The following TMEM59 variants were observed in gnomAD, a reference collection of about 807,000 sequenced individuals.
TMEM59 encodes the protein transmembrane protein 59, also known as dendritic cell factor 1.
TMEM59 carries 44 observed loss-of-function variants against 42.2 expected under a neutral mutation model. That is an observed-to-expected ratio of 1.04 (90% confidence interval 0.82 to 1.34). The LOEUF (loss-of-function observed/expected upper bound fraction) is 1.34. TMEM59 is among the 40% of genes most tolerant of loss of function. The pLI is 0.00. For synonymous variants in TMEM59, 148 were observed against 145.8 expected (o/e 1.02, Z -0.11); for missense variants, 359 against 382.8 (o/e 0.94, Z 0.52).
rs774562604 is a variant in TMEM59 at position 54,053,156 on chromosome 1, C to A, written c.33G>T (p.Arg11Ser). The A allele has an allele frequency of 2.5e-6, 4 of 1,614,202 alleles. No homozygotes were observed. The highest frequency in any genetic ancestry group is 3.4e-6 in the Non-Finnish European group (4 of 1,180,022). ...GCAGCGGCGGGAGCCCCAGTTGGGTCCTCACCCAGAGGCTCCCCTTCGGCG... is the reference window on the plus strand; with the variant it reads ...GCAGCGGCGGGAGCCCCAGTTGGGTACTCACCCAGAGGCTCCCCTTCGGCG... The part of the protein sequence containing the change: MAAPKGSLWV[R>S]TQLGLPPLLL... The change falls in exon 1 of 8, where the codon AGG becomes AGT. Residue 11 changes from arginine (R) to serine (S), a missense_variant. By Grantham distance (110) the Arg-to-Ser change is moderately radical. Coordinates refer to ENST00000234831, the MANE Select transcript of TMEM59 (RefSeq NM_004872.5).
intron 1 of TMEM59, among the ~76,000 whole-genome samples, chr1:54,052,099 CA>C (rs530006807): frequency 5.9e-5 from 9 of 152,162 alleles, no homozygotes; most frequent in Non-Finnish European, 7.4e-5. Context: ...GCAACATCAA[CA>C]AAAGCTCTCA....
Position 54,042,164 on chromosome 1 carries a change from C to CAAT in TMEM59, c.544-360_544-359insATT, listed in dbSNP as rs1206811985. ...TTCTAGTTGATCAGGAATAATTTAT[C>CAAT]AGACTGCCAAAACTTTTGGCTAAAT... On this transcript the variant is annotated intron_variant, in intron 4 of 7. Coordinates refer to ENST00000234831, the MANE Select transcript of TMEM59 (RefSeq NM_004872.5). Among the ~76,000 whole-genome samples, 5 of 151,558 alleles carry CAAT rather than the reference C, an allele frequency of 3.3e-5. No homozygotes were observed. In the East Asian group the frequency reaches 7.8e-4, roughly 23 times the overall value.
In TMEM59 at chr1:54,029,594, A is replaced by C. The variant is rs1268136805; in HGVS notation, c.*2556T>G. 1.3e-5 allele frequency: 2 copies of C among 152,186 alleles called. No individual in the cohort carries two copies. The highest frequency in any genetic ancestry group is 2.9e-5 in the Non-Finnish European group (2 of 68,024). The allele number at this position is 152,186 out of a possible 1,614,324, so 9.4% of individuals were successfully genotyped here. On this transcript the variant is annotated 3_prime_UTR_variant, in exon 8 of 8. Coordinates refer to ENST00000234831, the MANE Select transcript of TMEM59 (RefSeq NM_004872.5). ...TTTAGGAGAAGGGGCTTGGAAGCTCAGTTTTGTTGCTTTGGTTGGGATTTT... is the reference window on the plus strand; with the variant it reads ...TTTAGGAGAAGGGGCTTGGAAGCTCCGTTTTGTTGCTTTGGTTGGGATTTT...
chr1:54,033,037 C>T (rs1466899595), intron 7 of TMEM59: 1 of 151,908 alleles, frequency 6.6e-6, no homozygotes, highest in Non-Finnish European at 1.5e-5. Context: ...AAGTGATTCT[C>T]CTGCCTCAGC....
intron 2 of TMEM59, among the ~76,000 whole-genome samples, chr1:54,046,844 T>A (rs1247498266): frequency 2.6e-5 from 4 of 152,256 alleles, no homozygotes; most frequent in Non-Finnish European, 5.9e-5. Context: ...CTTATTTTAA[T>A]GGCCTGACCA....
rs560408023 is a variant in TMEM59 at position 54,042,045 on chromosome 1, C to T, written c.544-240G>A. Among the ~76,000 whole-genome samples the T allele has an allele frequency of 1.4e-4, 20 of 146,790 alleles. 1 individual carries two copies. The South Asian group carries it at 1.7e-3, about 12-fold the overall frequency. On this transcript the variant is annotated intron_variant, in intron 4 of 7. Transcript: ENST00000234831. Reference sequence around the variant, plus strand: ...TTATGTTAGTTTAACTTCCTGACAACGTTTTGTTTTGTTTTTTTTTTTTTT... The same window carrying T: ...TTATGTTAGTTTAACTTCCTGACAATGTTTTGTTTTGTTTTTTTTTTTTTT...
At chr1:54,043,976 A>G (rs1450111434) in intron 3 of TMEM59, 1 of 152,202 alleles carries the variant, frequency 6.6e-6, no homozygotes, top group Non-Finnish European at 1.5e-5. Context: ...ATATACATAA[A>G]ATGGTAGACA....
At chr1:54,052,847 G>A (rs1425454693) in intron 1 of TMEM59, among the ~76,000 whole-genome samples, 153 bp downstream of exon 1, 1 of 152,188 alleles carries the variant, frequency 6.6e-6, no homozygotes, top group Admixed American at 6.5e-5. Flanking sequence ...TGGGGTGCAG[G>A]CAGGATTAGG....
chr1:54,038,501 T>C (rs1657029264), intron 6 of TMEM59, among the ~76,000 whole-genome samples: 1 of 152,194 alleles, frequency 6.6e-6, no homozygotes, highest in African/African-American at 2.4e-5. Flanking sequence ...GCACAGTGCC[T>C]GGCTCCTCAA....
intron 7 of TMEM59, 60 bp from the exon 8 acceptor site, chr1:54,032,365 G>A: frequency 7.3e-7 from 1 of 1,368,288 alleles, no homozygotes; most frequent in Non-Finnish European, 9.6e-7. Flanking sequence ...CTCCAAGTTA[G>A]TCTTTAAATA....
chr1:54,034,874 T>C (rs1204655030), intron 7 of TMEM59: 10 of 152,200 alleles, frequency 6.6e-5, no homozygotes, highest in South Asian at 6.2e-4. Flanking sequence ...CATGTGACCG[T>C]TGGCTCTGGG....
Position 54,040,795 on chromosome 1 carries a change from T to A in TMEM59, c.668A>T (p.Glu223Val). The A allele has an allele frequency of 6.2e-7, 1 of 1,613,824 alleles. No homozygotes were observed. Among genetic ancestry groups the A allele is most frequent in the Non-Finnish European group, 8.5e-7 (1 of 1,179,854 alleles). ...RNSQAHRNFL[E>V]DGESDGFLRC... ...TAAAAAGCCATCACTTTCTCCATCT[T>A]CAAGAAAATTCCTGTGCGCTTGTGA... The change falls in exon 6 of 8, where the codon GAA (glutamate) becomes GTA (valine). Residue 223 changes from glutamate to valine, a missense_variant. Glu to Val is a moderately radical substitution (Grantham distance 121). Coordinates refer to ENST00000234831, the MANE Select transcript of TMEM59 (RefSeq NM_004872.5).
intron 6 of TMEM59, among the ~76,000 whole-genome samples, chr1:54,038,820 G>C (rs1047518024): frequency 6.6e-6 from 1 of 151,986 alleles, no homozygotes. Flanking sequence ...GATCACTGAA[G>C]GGGAAAAAGC....
chr1:54,050,002 A>G (rs554057027), intron 1 of TMEM59, among the ~76,000 whole-genome samples: 1 of 152,348 alleles, frequency 6.6e-6, no homozygotes, highest in Admixed American at 6.5e-5. Context: ...TTCGACCGAG[A>G]TAAATTATGC....
In TMEM59 at chr1:54,030,163, G is replaced by C. The variant is rs191206585; in HGVS notation, c.*1987C>G. The C allele has an allele frequency of 6.6e-6, 1 of 151,926 alleles. No individual in the cohort carries two copies. Among genetic ancestry groups the C allele is most frequent in the Non-Finnish European group, 1.5e-5 (1 of 67,996 alleles). 9.4% of individuals were successfully genotyped at this position (151,926 alleles called of 1,614,324 possible). On this transcript the variant is annotated 3_prime_UTR_variant, in exon 8 of 8. Coordinates refer to ENST00000234831, the MANE Select transcript of TMEM59 (RefSeq NM_004872.5). ...GCTTTAAAAAAAAAAAAAAAGATGG[G>C]ATTCTCATTATATTGCCCAGGATGG...
chr1:54,027,175 G>A lies in TMEM59; in HGVS notation c.*4975C>T, dbSNP rs1377128369. 6.6e-6 allele frequency: 1 copy of A among 152,152 alleles called. No individual in the cohort carries two copies. Among genetic ancestry groups the A allele is most frequent in the African/African-American group, 2.4e-5 (1 of 41,418 alleles). The allele number at this position is 152,152 out of a possible 1,614,324, so 9.4% of individuals were successfully genotyped here. On this transcript the variant is annotated 3_prime_UTR_variant, in exon 8 of 8. Transcript: ENST00000234831. ...GTCACCAATAGAAATGAGACATTTA[G>A]ATATATTACAGTTGTTAGATATTTC...
At chr1:54,047,414 T>A (rs779452336) in intron 1 of TMEM59, 42 bp from the exon 2 acceptor site, 1 of 1,465,468 alleles carries the variant, frequency 6.8e-7, no homozygotes, top group Non-Finnish European at 9.4e-7. Context: ...AAAAATAGTA[T>A]TTTTTTTTCC....
chr1:54,036,598 A>G lies in TMEM59; in HGVS notation c.816+12T>C, dbSNP rs748800645. 1 of 1,586,548 alleles carries G rather than the reference A, an allele frequency of 6.3e-7. No homozygotes were observed. Among genetic ancestry groups the G allele is most frequent in the Non-Finnish European group, 8.6e-7 (1 of 1,165,044 alleles). On this transcript the variant is annotated intron_variant, in intron 7 of 7. Coordinates refer to ENST00000234831, the MANE Select transcript of TMEM59 (RefSeq NM_004872.5). Reference sequence around the variant, plus strand: ...CAGGGCTCAGTCTTCAAATGGTAAGAATTAAATTTACCTCAGAGGGAACAT... The same window carrying G: ...CAGGGCTCAGTCTTCAAATGGTAAGGATTAAATTTACCTCAGAGGGAACAT...
chr1:54,047,135 C>T, intron 2 of TMEM59, 132 bp downstream of exon 2: 6 of 683,604 alleles, frequency 8.8e-6, no homozygotes, highest in Non-Finnish European at 1.4e-5. Context: ...CTCTTAGATC[C>T]ATAATAATTA....
Sources: gnomAD v4.1 joint callset for allele counts (sites outside exome capture counted in the v4.1 genomes callset) on GRCh38, gnomAD v4.1.1 for gene constraint, MANE v1.5 for transcripts, NCBI Gene and HGNC (gene_info 2026-07-23, HGNC 2026-07-21) for gene names.